Variants in LYPD6 observed in about 807,000 individuals in gnomAD.
LYPD6 encodes the protein LY6/PLAUR domain containing 6.
In LYPD6, 15 loss-of-function variants were observed where a neutral mutation model predicts 22.7. That is an observed-to-expected ratio of 0.66 (90% CI 0.44 to 1.02). The LOEUF is 1.02. Ranked by LOEUF, LYPD6 falls within the 50% of genes least tolerant of loss-of-function variation. The pLI is 0.00. For synonymous variants in LYPD6, 72 were observed against 77.5 expected (o/e 0.93, Z 0.37); for missense variants, 189 against 208.4 (o/e 0.91, Z 0.57).
intron 3 of LYPD6, among the ~76,000 whole-genome samples, chr2:149,451,892 T>C (rs1324792865): frequency 6.6e-6 from 1 of 152,172 alleles, no homozygotes; most frequent in East Asian, 1.9e-4. Flanking sequence ...GTTGGGCTGA[T>C]AGGATCTGAA....
the LYPD6 span, among the ~76,000 whole-genome samples, chr2:149,481,402 A>G: frequency 6.6e-5 from 10 of 152,344 alleles, no homozygotes; most frequent in South Asian, 4.1e-4. Flanking sequence ...TCACAAAGCA[A>G]TTTGGCAGTA....
At chr2:149,430,969 C>A (rs1683299418) in intron 1 of LYPD6, among the ~76,000 whole-genome samples, 1 of 152,142 alleles carries the variant, frequency 6.6e-6, no homozygotes, top group Non-Finnish European at 1.5e-5. Context: ...GAGTGCACCT[C>A]TTCTCAACTT....
downstream of LYPD6, among the ~76,000 whole-genome samples, chr2:149,475,524 T>G (rs1195126684): frequency 6.6e-6 from 1 of 152,220 alleles, no homozygotes; most frequent in African/African-American, 2.4e-5. Flanking sequence ...GCCTTCACTT[T>G]CAGCAGTTAC....
At chr2:149,433,906 A>G (rs1683372910) in intron 1 of LYPD6, among the ~76,000 whole-genome samples, 1 of 152,142 alleles carries the variant, frequency 6.6e-6, no homozygotes, top group Non-Finnish European at 1.5e-5. Context: ...GCATTAGTGT[A>G]TAATTTTATC....
intron 1 of LYPD6, among the ~76,000 whole-genome samples, chr2:149,388,584 G>C (rs886927086): frequency 6.6e-6 from 1 of 151,862 alleles, no homozygotes; most frequent in Admixed American, 6.6e-5. Flanking sequence ...CTGGGTGTTA[G>C]TTAATGCTTG....
At chr2:149,452,571 G>A (rs1680858783) in intron 3 of LYPD6, among the ~76,000 whole-genome samples, 1 of 152,086 alleles carries the variant, frequency 6.6e-6, no homozygotes, top group Non-Finnish European at 1.5e-5. Context: ...TTGTGACATA[G>A]TTAACTGGGT....
intron 1 of LYPD6, among the ~76,000 whole-genome samples, chr2:149,366,421 G>A (rs1681667066): frequency 1.3e-5 from 2 of 152,152 alleles, no homozygotes; most frequent in Non-Finnish European, 2.9e-5. Context: ...CTGACCCCTT[G>A]GCAGAGAAAG....
intron 1 of LYPD6, among the ~76,000 whole-genome samples, chr2:149,351,817 A>T (rs1439539310): frequency 6.6e-6 from 1 of 151,950 alleles, no homozygotes. Flanking sequence ...CTCCAGAAGG[A>T]TGTTGCTGTT....
intron 1 of LYPD6, among the ~76,000 whole-genome samples, chr2:149,342,120 A>G (rs1247281523): frequency 6.6e-6 from 1 of 152,152 alleles, no homozygotes; most frequent in African/African-American, 2.4e-5. Flanking sequence ...TATTCACAAA[A>G]CAGACTCTAA....
intron 1 of LYPD6, among the ~76,000 whole-genome samples, chr2:149,366,669 A>T (rs946192017): frequency 6.6e-6 from 1 of 152,188 alleles, no homozygotes; most frequent in African/African-American, 2.4e-5. Context: ...TTAACTTGCT[A>T]ATTTTTTTAT....
At chr2:149,438,056 C>T (rs534689488) in intron 2 of LYPD6, among the ~76,000 whole-genome samples, 1 of 152,306 alleles carries the variant, frequency 6.6e-6, no homozygotes, top group East Asian at 1.9e-4. Context: ...GTTCCCTACA[C>T]AATCACTCTG....
chr2:149,383,727 A>G (rs937043384), intron 1 of LYPD6, among the ~76,000 whole-genome samples: 6 of 152,314 alleles, frequency 3.9e-5, no homozygotes, highest in Admixed American at 1.3e-4. Flanking sequence ...AATTTAAAGC[A>G]TTGGTCCATT....
chr2:149,432,683 C>T (rs977055264), intron 1 of LYPD6, among the ~76,000 whole-genome samples: 4 of 152,166 alleles, frequency 2.6e-5, no homozygotes, highest in Non-Finnish European at 5.9e-5. Flanking sequence ...GAGCACGTTG[C>T]CTCCTGTTTT....
intron 1 of LYPD6, among the ~76,000 whole-genome samples, chr2:149,429,772 A>AG (rs1683272155): frequency 6.6e-6 from 1 of 152,076 alleles, no homozygotes; most frequent in South Asian, 2.1e-4. Flanking sequence ...AGAAGGGAGG[A>AG]GCTGGGATTG....
intron 1 of LYPD6, among the ~76,000 whole-genome samples, chr2:149,416,366 C>G (rs1211543984): frequency 6.6e-6 from 1 of 152,152 alleles, no homozygotes; most frequent in African/African-American, 2.4e-5. Context: ...CTGCATGTGT[C>G]TGTTCAGTTA....
intron 4 of LYPD6, 62 bp from the exon 5 acceptor site, chr2:149,470,621 A>T: frequency 6.6e-7 from 1 of 1,520,476 alleles, no homozygotes; most frequent in Non-Finnish European, 9.0e-7. Flanking sequence ...TGCCTTCAAA[A>T]ACCCTGCCTC....
intron 1 of LYPD6, among the ~76,000 whole-genome samples, chr2:149,398,906 G>A (rs1682488134): frequency 6.6e-6 from 1 of 152,130 alleles, no homozygotes; most frequent in African/African-American, 2.4e-5. Context: ...TTAAAAATGA[G>A]ACATTCAATA....
At chr2:149,422,071 A>G (rs2105133539) in intron 1 of LYPD6, among the ~76,000 whole-genome samples, 1 of 152,204 alleles carries the variant, frequency 6.6e-6, no homozygotes, top group East Asian at 1.9e-4. Context: ...TCTGAATGGA[A>G]AGCAAACGTT....
downstream of LYPD6, among the ~76,000 whole-genome samples, chr2:149,478,718 T>G (rs1681480408): frequency 6.6e-6 from 1 of 152,048 alleles, no homozygotes; most frequent in Non-Finnish European, 1.5e-5. Flanking sequence ...GGCACTGCAC[T>G]TGGCTCTGGA....
Sources: gnomAD v4.1 joint callset for allele counts (sites outside exome capture counted in the v4.1 genomes callset) on GRCh38, gnomAD v4.1.1 for gene constraint, MANE v1.5 for transcripts, NCBI Gene and HGNC (gene_info 2026-07-23, HGNC 2026-07-21) for gene names.